The following TAF4 variants were observed in gnomAD, a reference collection of about 807,000 sequenced individuals.
TAF4 encodes transcription initiation factor TFIID subunit 4.
A neutral mutation model predicts 90.3 loss-of-function variants in TAF4; 9 were observed. The ratio of observed to expected loss-of-function variants is 0.10; its 90% CI spans 0.06 to 0.17. TAF4 has a LOEUF of 0.17. TAF4 is among the 10% of genes least tolerant of loss of function. The pLI is 1.00. For synonymous variants in TAF4, 818 were observed against 638.9 expected, an observed-to-expected ratio of 1.28 and a Z score of -4.23; for missense variants, 1,351 against 1,370.7, an observed-to-expected ratio of 0.99 and a Z score of 0.23.
chr20:61,982,616 CCCACCCGAGAGGAGACACCAAACCCACA>C (rs1271022575), intron 14 of TAF4, among the ~76,000 whole-genome samples: 4 of 74,970 alleles, frequency 5.3e-5, no homozygotes, highest in African/African-American at 9.7e-5. Context: ...CAAACCCACA[CCCACCCGAGAGGAGACACCAAACCCACA>C]CCCACCCGAG....
intron 14 of TAF4, among the ~76,000 whole-genome samples, chr20:61,978,435 G>C (rs1321845434): frequency 1.5e-4 from 12 of 82,636 alleles, no homozygotes; most frequent in African/African-American, 2.4e-4. Flanking sequence ...GAGGGGGCGA[G>C]ACCAACCAAG....
Position 62,006,420 on chromosome 20 carries a change from G to C in TAF4, c.2223+90C>G. ...GGAGGCTTCCTGCATGCTTGGAAAA[G>C]GTTTCTGAGCCGTGGCCAATTTATC... is the stretch of plus-strand genomic sequence containing the variant. On this transcript the variant is annotated intron_variant, in intron 7 of 14. Coordinates refer to ENST00000252996, the MANE Select transcript of TAF4 (RefSeq NM_003185.4). This position sits in a 1 kb window ranked among gnomAD's most constrained non-coding sequence, Gnocchi z 7.0. 1.5e-6 allele frequency: 2 copies of C among 1,299,546 alleles called. No homozygotes were observed. Among genetic ancestry groups the C allele is most frequent in the Non-Finnish European group, 2.0e-6 (2 of 1,020,902 alleles). The allele number at this position is 1,299,546 out of a possible 1,614,324, so 80.5% of individuals were successfully genotyped here.
chr20:62,039,470 A>G (rs2055951827), intron 1 of TAF4, among the ~76,000 whole-genome samples: 1 of 152,240 alleles, frequency 6.6e-6, no homozygotes, highest in Non-Finnish European at 1.5e-5. Flanking sequence ...AGCTAAAGCC[A>G]TAAGCATTCT....
intron 11 of TAF4, 51 bp from the exon 12 acceptor site, chr20:61,999,159 G>A (rs1339450968): frequency 1.2e-6 from 2 of 1,603,318 alleles, no homozygotes; most frequent in East Asian, 2.2e-5. Context: ...AGCCCAGCAA[G>A]CAAAGGGGTT....
chr20:61,993,884 C>T (rs1218364653), intron 14 of TAF4, among the ~76,000 whole-genome samples: 5 of 152,282 alleles, frequency 3.3e-5, no homozygotes, highest in East Asian at 1.9e-4. Context: ...TCCCGAGTAG[C>T]TGGAAATACA....
intron 1 of TAF4, among the ~76,000 whole-genome samples, chr20:62,020,447 G>A (rs1437153279): frequency 2.0e-5 from 3 of 152,342 alleles, no homozygotes; most frequent in African/African-American, 2.4e-5. Context: ...CCAGCTCCAC[G>A]TCTGAGCCCT....
At chr20:62,054,076 C>T (rs1159919164) in intron 1 of TAF4, among the ~76,000 whole-genome samples, 1 of 152,264 alleles carries the variant, frequency 6.6e-6, no homozygotes, top group Non-Finnish European at 1.5e-5. Context: ...CCCAGTGCAA[C>T]AGCCCCTCAC....
chr20:62,027,040 G>A (rs1420187406), intron 1 of TAF4, among the ~76,000 whole-genome samples: 3 of 152,224 alleles, frequency 2.0e-5, no homozygotes, highest in Admixed American at 1.3e-4. Flanking sequence ...AAAGAGCTAC[G>A]TGCAAATCAA....
At chr20:62,035,749 C>G (rs1194782312) in intron 1 of TAF4, among the ~76,000 whole-genome samples, 1 of 151,992 alleles carries the variant, frequency 6.6e-6, no homozygotes, top group Non-Finnish European at 1.5e-5. Flanking sequence ...CAGAAGACAC[C>G]ATAAAGAAAG....
At chr20:62,002,869 C>T (rs975643095) in intron 9 of TAF4, among the ~76,000 whole-genome samples, 1 of 152,158 alleles carries the variant, frequency 6.6e-6, no homozygotes, top group Non-Finnish European at 1.5e-5. Flanking sequence ...ATGCAATGAA[C>T]TCAAAATACG....
At chr20:62,011,924 G>A in intron 3 of TAF4, among the ~76,000 whole-genome samples, 1 of 152,212 alleles carries the variant, frequency 6.6e-6, no homozygotes, top group African/African-American at 2.4e-5. Context: ...GCTTCCTGCT[G>A]ACTGCCCAGA....
chr20:61,975,227 C>T lies in TAF4; in HGVS notation c.*941G>A, dbSNP rs756646956. 2 of 152,388 alleles carry T rather than the reference C, an allele frequency of 1.3e-5. No individual in the cohort carries two copies. The highest frequency in any genetic ancestry group is 6.5e-5 in the Admixed American group (1 of 15,276). 9.4% of individuals were successfully genotyped at this position (152,388 alleles called of 1,614,324 possible). A position where few individuals can be genotyped will look rare whatever the true frequency, so the allele number is the denominator to read the frequency against. The stretch of plus-strand genomic sequence containing the variant: ...GTAAAGTCGGCCCAAGGCTTGCATA[C>T]AGTCTCTTAGCAAAATAATTATAGT... On this transcript the variant is annotated 3_prime_UTR_variant, in exon 15 of 15. Coordinates refer to ENST00000252996, the MANE Select transcript of TAF4 (RefSeq NM_003185.4).
chr20:62,007,230 T>C (rs368600533), intron 6 of TAF4, among the ~76,000 whole-genome samples: 1 of 152,212 alleles, frequency 6.6e-6, no homozygotes, highest in South Asian at 2.1e-4. Flanking sequence ...CTGACGCTGT[T>C]GAAACCCTTG....
chr20:62,030,114 C>T (rs1420636145), intron 1 of TAF4, among the ~76,000 whole-genome samples: 1 of 152,170 alleles, frequency 6.6e-6, no homozygotes, highest in Non-Finnish European at 1.5e-5. Context: ...GCCAGAGCCC[C>T]GATAGGGGTG....
At chr20:62,000,483 C>G in intron 10 of TAF4, 69 bp downstream of exon 10, 1 of 1,540,084 alleles carries the variant, frequency 6.5e-7, no homozygotes, top group African/African-American at 1.4e-5. Flanking sequence ...CAGGTGTGCT[C>G]ACCTGAAGCT....
chr20:62,018,588 C>T (rs1447262359), intron 1 of TAF4, among the ~76,000 whole-genome samples: 2 of 152,194 alleles, frequency 1.3e-5, no homozygotes, highest in Admixed American at 1.3e-4. Flanking sequence ...CAGATGGGAC[C>T]CCAAGGCCAG....
chr20:62,064,723 G>A lies in TAF4; in HGVS notation c.1088C>T (p.Ala363Val), dbSNP rs1376936182. The A allele has an allele frequency of 1.6e-6, 2 of 1,224,414 alleles. No homozygotes were observed. The highest frequency in any genetic ancestry group is 3.2e-5 in the South Asian group (1 of 31,650). 75.8% of individuals were successfully genotyped at this position (1,224,414 alleles called of 1,614,324 possible). ...AAPPAAQTLA[A>V]SGPASTAASM... ...GGCCGCCGTGCTGGCCGGGCCGCTG[G>A]CCGCCAGGGTCTGCGCCGCCGGGGG... The change falls in exon 1 of 15, where the codon GCC becomes GTC. Residue 363 changes from alanine (A) to valine (V), a missense_variant. By Grantham distance (64) the Ala-to-Val change is moderately conservative. Around this residue, in one of 9 missense-constraint regions of TAF4, gnomAD observed 782 missense variants for 536.6 expected, o/e 1.46. Transcript: ENST00000252996.
intron 9 of TAF4, among the ~76,000 whole-genome samples, chr20:62,000,996 A>G (rs2123125841): frequency 6.6e-6 from 1 of 152,378 alleles, no homozygotes; most frequent in Non-Finnish European, 1.5e-5. Flanking sequence ...GTCCAGAGAA[A>G]GCAAAGCCGG....
intron 1 of TAF4, among the ~76,000 whole-genome samples, chr20:62,034,697 C>T (rs1244518394): frequency 6.6e-6 from 1 of 152,130 alleles, no homozygotes; most frequent in Admixed American, 6.5e-5. Context: ...GAATGCCCTA[C>T]ACATATCTAA....
Sources: allele counts gnomAD v4.1 joint callset (sites outside exome capture counted in the v4.1 genomes callset), GRCh38; gene constraint gnomAD v4.1.1; regional missense constraint gnomAD v4.1.1; non-coding constraint Gnocchi (gnomAD v3.1); transcripts MANE v1.5; gene names NCBI Gene and HGNC (gene_info 2026-07-23, HGNC 2026-07-21).